VPS13D: variants seen among roughly 807,000 people sequenced by gnomAD.
VPS13D encodes the protein vacuolar protein sorting 13 homolog D, also known as intermembrane lipid transfer protein VPS13D.
VPS13D carries 187 observed loss-of-function variants against 461.9 expected under a neutral mutation model. The ratio of observed to expected loss-of-function variants is 0.40; its 90% CI spans 0.36 to 0.46. VPS13D has a LOEUF of 0.46. VPS13D is among the 20% of genes least tolerant of loss of function. The pLI, the probability that VPS13D is intolerant of heterozygous loss-of-function variation, is 0.60. For missense variants in VPS13D, 4,711 were observed against 5,364.9 expected (o/e 0.88, Z 3.81); for synonymous variants, 1,951 against 1,986.3 (o/e 0.98, Z 0.47).
chr1:12,477,488 C>G (rs1051412839), intron 67 of VPS13D, among the ~76,000 whole-genome samples: 1 of 152,158 alleles, frequency 6.6e-6, no homozygotes, highest in East Asian at 1.9e-4. Context: ...CCTCCAGTGG[C>G]GTCCTCTGTA....
intron 60 of VPS13D, among the ~76,000 whole-genome samples, chr1:12,390,308 C>T (rs1012641767): frequency 3.9e-5 from 6 of 152,182 alleles, no homozygotes; most frequent in Admixed American, 2.0e-4. Context: ...TTCTGGAGAA[C>T]TTTGCCCCAG....
At chr1:12,478,463 A>G (rs1645665493) in intron 67 of VPS13D, 1 of 223,598 alleles carries the variant, frequency 4.5e-6, no homozygotes, top group Non-Finnish European at 9.2e-6. Context: ...AAGGCGTGTA[A>G]TACAGCTCGA....
rs756456478 is a variant in VPS13D, at chr1:12,348,880, C to T, written c.9127C>T (p.Arg3043Trp). The change falls in exon 45 of 70, where the codon CGG (arginine) becomes TGG (tryptophan). Residue 3043 changes from arginine (R) to tryptophan (W), a missense_variant. Physicochemically the swap from Arg to Trp is moderately radical, Grantham distance 101. Coordinates refer to ENST00000620676, the MANE Select transcript of VPS13D (RefSeq NM_015378.4). The stretch of plus-strand genomic sequence containing the variant: ...TGCAGTGACTATGGAAGGCAGTGCA[C>T]GGAAAGTCATCACTGTCCGGTCAGC... ...VFAVTMEGSA[R>W]KVITVRSALI... 6.3e-5 allele frequency: 101 copies of T among 1,614,140 alleles called. No homozygotes were observed. The South Asian group carries it at 7.2e-4, about 12-fold the overall frequency.
At chr1:12,266,743 T>A in intron 13 of VPS13D, 138 bp from the exon 14 acceptor site, 1 of 845,024 alleles carries the variant, frequency 1.2e-6, no homozygotes, top group Non-Finnish European at 1.7e-6. Context: ...TAGATAGGGT[T>A]TTTTTGTTTG....
At chr1:12,438,006 C>T (rs1645083042) in intron 65 of VPS13D, among the ~76,000 whole-genome samples, 2 of 152,156 alleles carry the variant, frequency 1.3e-5, no homozygotes, top group African/African-American at 2.4e-5. Context: ...TCTGGATATA[C>T]TCTCCTAGCC....
At position 12,385,275 on chromosome 1, in the gene VPS13D, C is replaced by T. The variant is rs1262044333; in HGVS notation, c.11386C>T (p.His3796Tyr). 1.2e-6 allele frequency: 2 copies of T among 1,613,300 alleles called. No individual in the cohort carries two copies. The highest frequency in any genetic ancestry group is 1.7e-6 in the Non-Finnish European group (2 of 1,179,772). Residue 3796 changes from histidine to tyrosine, a missense_variant, in exon 59 of 70, where the codon CAC (histidine) becomes TAC (tyrosine). By Grantham distance (83) the His-to-Tyr change is moderately conservative. Coordinates refer to ENST00000620676, the MANE Select transcript of VPS13D (RefSeq NM_015378.4). ...TRALQITDFC[H>Y]RKSSRSYEVD... ...TTGACTTCAGATAACAGATTTCTGC[C>T]ACCGGAAAAGCAGCCGTTCATATGA... is the stretch of plus-strand genomic sequence containing the variant.
Position 12,363,090 on chromosome 1 carries a change from G to A in VPS13D, c.10291G>A (p.Gly3431Ser). 1 of 1,614,142 alleles carries A rather than the reference G, an allele frequency of 6.2e-7. No homozygotes were observed. The highest frequency in any genetic ancestry group is 8.5e-7 in the Non-Finnish European group (1 of 1,180,030). The change falls in exon 52 of 70, where the codon GGT becomes AGT. Residue 3431 changes from glycine (G) to serine (S), a missense_variant. Transcript: ENST00000620676. ...GTTTTAGGGAACAGCCAATCCCGAA[G>A]GTTACATTTCCACCCTTCCTGGTTC... ...ARGQGTANPE[G>S]YISTLPGSSV...
chr1:12,251,807 G>T (rs1640742385), intron 6 of VPS13D, among the ~76,000 whole-genome samples: 1 of 152,144 alleles, frequency 6.6e-6, no homozygotes, highest in African/African-American at 2.4e-5. Flanking sequence ...CCTTAGCATG[G>T]CATAAACTTC....
At position 12,353,959 on chromosome 1, in the gene VPS13D, A is replaced by G. The variant is rs1471474195; in HGVS notation, c.9432-15A>G. 7 of 1,610,200 alleles carry G rather than the reference A, an allele frequency of 4.3e-6. No individual in the cohort carries two copies. The highest frequency in any genetic ancestry group is 1.7e-5 in the Admixed American group (1 of 59,738). On this transcript the variant is annotated splice_polypyrimidine_tract_variant and intron_variant, in intron 46 of 69. Coordinates refer to ENST00000620676, the MANE Select transcript of VPS13D (RefSeq NM_015378.4). The stretch of plus-strand genomic sequence containing the variant: ...CATTAAGTCTGATGATTTTTACACC[A>G]TTTTATCTTCATAGGTTTTGTGTGG...
chr1:12,362,673 T>C, intron 50 of VPS13D, 47 bp from the exon 51 acceptor site: 1 of 1,580,932 alleles, frequency 6.3e-7, no homozygotes, highest in Non-Finnish European at 8.6e-7. Context: ...ACCAAGAGTT[T>C]TCTCTCTTCA....
At chr1:12,285,125 A>G (rs1285375200) in intron 21 of VPS13D, among the ~76,000 whole-genome samples, 1 of 152,186 alleles carries the variant, frequency 6.6e-6, no homozygotes, top group African/African-American at 2.4e-5. Flanking sequence ...TTAAAATAAG[A>G]ATTTTTGACA....
chr1:12,245,467 T>A lies in VPS13D; in HGVS notation c.447+850T>A, dbSNP rs115218588. ...AGTTCTTATGCCAGAAAGTTCAGTC[T>A]TTTAAAGTGTACAATTTAATGTTTT... is the stretch of plus-strand genomic sequence containing the variant. On this transcript the variant is annotated intron_variant, in intron 5 of 69. Transcript: ENST00000620676. 4.6e-3 allele frequency among the ~76,000 whole-genome samples: 701 copies of A among 152,376 alleles called. 4 individuals carry two copies. The highest frequency in any genetic ancestry group is 0.016 in the African/African-American group (676 of 41,584).
At chr1:12,255,594 C>A (rs1368472039) in intron 7 of VPS13D, among the ~76,000 whole-genome samples, 1 of 150,974 alleles carries the variant, frequency 6.6e-6, no homozygotes, top group Non-Finnish European at 1.5e-5. Context: ...GAGTGTATTA[C>A]CTATTAAGAA....
intron 47 of VPS13D, 66 bp from the exon 48 acceptor site, chr1:12,355,833 T>G (rs1376277319): frequency 7.0e-7 from 1 of 1,430,762 alleles, no homozygotes; most frequent in African/African-American, 1.5e-5. Flanking sequence ...TCCAATTTAC[T>G]TTTGCTGTGA....
chr1:12,261,189 C>G, intron 12 of VPS13D, 40 bp downstream of exon 12: 1 of 1,603,804 alleles, frequency 6.2e-7, no homozygotes, highest in Non-Finnish European at 8.5e-7. Context: ...CAAACAAATT[C>G]GTCTGTTATT....
rs1414351922 is a variant in VPS13D at position 12,368,518 on chromosome 1, GA to G, written c.10500del (p.Ala3501LeufsTer34). ...FFLRVEITLR[G>X]ATYRISFSDT... Reference sequence around the variant, plus strand: ...CTACGAGTGGAAATTACTCTCCGAGGAGCTACGTATAGGATCTCATTTAGTG... The same window carrying G: ...CTACGAGTGGAAATTACTCTCCGAGGGCTACGTATAGGATCTCATTTAGTG... On this transcript the variant is annotated frameshift_variant, in exon 53 of 70. Coordinates refer to ENST00000620676, the MANE Select transcript of VPS13D (RefSeq NM_015378.4). LOFTEE classifies it high-confidence loss of function. The G allele has an allele frequency of 6.2e-7, 1 of 1,613,772 alleles. No homozygotes were observed. The highest frequency in any genetic ancestry group is 8.5e-7 in the Non-Finnish European group (1 of 1,179,836).
At chr1:12,263,142 C>T (rs758841090) in intron 13 of VPS13D, among the ~76,000 whole-genome samples, 4 of 152,168 alleles carry the variant, frequency 2.6e-5, no homozygotes, top group Non-Finnish European at 5.9e-5. Context: ...TTCTCTAATA[C>T]TCATATTTTT....
intron 42 of VPS13D, chr1:12,344,951 T>C (rs1434549228): frequency 6.3e-6 from 1 of 158,656 alleles, no homozygotes; most frequent in Non-Finnish European, 1.4e-5. Flanking sequence ...TGCATGTGGT[T>C]CTGAGCGAAT....
rs1224792854 is a variant in VPS13D, at chr1:12,354,141, G to A, written c.9599G>A (p.Gly3200Glu). 6.2e-7 allele frequency: 1 copy of A among 1,614,152 alleles called. No individual in the cohort carries two copies. Among genetic ancestry groups the A allele is most frequent in the South Asian group, 1.1e-5 (1 of 91,076 alleles). ...TGTGAACTTGATTTTTATGTTAAAGGAATGCCAATTAATGGGACGCTGAAA... is the reference window on the plus strand; with the variant it reads ...TGTGAACTTGATTTTTATGTTAAAGAAATGCCAATTAATGGGACGCTGAAA... ...LPCELDFYVK[G>E]MPINGTLKPG... Residue 3200 changes from glycine (G) to glutamate (E), a missense_variant, in exon 47 of 70, where the codon GGA becomes GAA. Gly to Glu is a moderately conservative substitution (Grantham distance 98, BLOSUM62 -2). Around this residue, in one of 3 missense-constraint regions of VPS13D, gnomAD observed 4,411 missense variants for 4,937.8 expected, o/e 0.89. Coordinates refer to ENST00000620676, the MANE Select transcript of VPS13D (RefSeq NM_015378.4).
Sources: allele counts gnomAD v4.1 joint callset (sites outside exome capture counted in the v4.1 genomes callset), GRCh38; gene constraint gnomAD v4.1.1; regional missense constraint gnomAD v4.1.1; transcripts MANE v1.5; gene names NCBI Gene and HGNC (gene_info 2026-07-23, HGNC 2026-07-21).